Variants in CFAP300 observed in about 807,000 individuals in gnomAD.
The protein encoded by CFAP300 is cilia- and flagella-associated protein 300.
Under a neutral mutation model 33.0 loss-of-function variants are expected in CFAP300, and 32 were observed. That is an observed-to-expected ratio of 0.97 (90% CI 0.73 to 1.30). The LOEUF (loss-of-function observed/expected upper bound fraction) is 1.30. Ranked by LOEUF, CFAP300 falls within the 50% of genes most tolerant of loss-of-function variation. The pLI, the probability that CFAP300 is intolerant of heterozygous loss-of-function variation, is 0.00. For missense variants in CFAP300, 356 were observed against 318.1 expected (o/e 1.12, Z -0.90); for synonymous variants, 102 against 106.8 (o/e 0.95, Z 0.28).
chr11:102,076,362 A>G (rs1412841511), intron 5 of CFAP300, among the ~76,000 whole-genome samples: 2 of 152,196 alleles, frequency 1.3e-5, no homozygotes, highest in Non-Finnish European at 2.9e-5. Flanking sequence ...TTAAATCTGA[A>G]GGGAACACAA....
At chr11:102,069,316 TAC>T (rs1473876172) in intron 4 of CFAP300, among the ~76,000 whole-genome samples, 2 of 152,196 alleles carry the variant, frequency 1.3e-5, no homozygotes, top group East Asian at 3.9e-4. Context: ...TGTGCAGCAC[TAC>T]AGATTGTATT....
intron 5 of CFAP300, among the ~76,000 whole-genome samples, chr11:102,080,240 G>T (rs1467118091): frequency 6.6e-6 from 1 of 152,052 alleles, no homozygotes; most frequent in Admixed American, 6.6e-5. Context: ...ATAAATATAT[G>T]TCTGTAGCTT....
chr11:102,073,957 C>T (rs1403473900), intron 4 of CFAP300, among the ~76,000 whole-genome samples: 1 of 152,078 alleles, frequency 6.6e-6, no homozygotes, highest in African/African-American at 2.4e-5. Context: ...GACAGCGGCC[C>T]CAGGTAAGTG....
intron 2 of CFAP300, among the ~76,000 whole-genome samples, chr11:102,050,072 T>C (rs1315129558): frequency 6.6e-6 from 1 of 152,064 alleles, no homozygotes; most frequent in Non-Finnish European, 1.5e-5. Context: ...GGAGGATTAC[T>C]TGAGCTATGA....
At chr11:102,076,160 T>C in intron 5 of CFAP300, 115 bp downstream of exon 5, 1 of 1,194,612 alleles carries the variant, frequency 8.4e-7, no homozygotes, top group Non-Finnish European at 1.1e-6. Flanking sequence ...CCAAAGCATA[T>C]AAAAAGCTCT....
chr11:102,061,316 C>A (rs1942146792), intron 3 of CFAP300, among the ~76,000 whole-genome samples: 1 of 151,962 alleles, frequency 6.6e-6, no homozygotes, highest in Non-Finnish European at 1.5e-5. Context: ...GAAATACCCC[C>A]CTCTTATTTT....
chr11:102,080,202 A>G (rs1226932042), intron 5 of CFAP300, among the ~76,000 whole-genome samples: 2 of 152,302 alleles, frequency 1.3e-5, no homozygotes, highest in African/African-American at 4.8e-5. Context: ...AAGTGTGTGT[A>G]TATTTATTTA....
chr11:102,048,389 A>G (rs1941918914), intron 2 of CFAP300, among the ~76,000 whole-genome samples: 1 of 136,166 alleles, frequency 7.3e-6, no homozygotes, highest in South Asian at 2.3e-4. Context: ...CAGCTAATTA[A>G]AAAAAATTTT....
At chr11:102,070,819 TAC>T (rs35223843) in intron 4 of CFAP300, among the ~76,000 whole-genome samples, 84,584 of 151,830 alleles carry the variant, frequency 0.56, 24,911 homozygotes, top group East Asian at 0.75. Flanking sequence ...CATTCAGGAA[TAC>T]GTGTTGTTGG....
chr11:102,058,862 C>T lies in CFAP300; in HGVS notation c.193-18C>T. The stretch of plus-strand genomic sequence containing the variant: ...ATAATAAAATATCTAACTTATTCCC[C>T]TCAAATTTGTATTTTAGGCTTTTTT... On this transcript the variant is annotated intron_variant, in intron 2 of 6. Coordinates refer to ENST00000434758, the MANE Select transcript of CFAP300 (RefSeq NM_032930.3). The T allele has an allele frequency of 1.4e-6, 2 of 1,455,620 alleles. No homozygotes were observed. Among genetic ancestry groups the T allele is most frequent in the Non-Finnish European group, 1.9e-6 (2 of 1,060,866 alleles). The allele number at this position is 1,455,620 out of a possible 1,614,324, so 90.2% of individuals were successfully genotyped here.
Position 102,076,016 on chromosome 11 carries a change from A to C in CFAP300, c.579A>C (p.Thr193=). ...ATGTGATTAGCCCATATCTGGAAAC[A>C]ACAAAGCTTATCTATAAGGATCTGG... ...YEDVISPYLE[T]TKLIYKDLVS... The change falls in exon 5 of 7, where the codon ACA becomes ACC. Residue 193 remains threonine, a synonymous_variant. Coordinates refer to ENST00000434758, the MANE Select transcript of CFAP300 (RefSeq NM_032930.3). The C allele has an allele frequency of 6.2e-7, 1 of 1,612,882 alleles. No individual in the cohort carries two copies. The highest frequency in any genetic ancestry group is 1.1e-5 in the South Asian group (1 of 90,614).
At chr11:102,072,896 G>A (rs1180766802) in intron 4 of CFAP300, among the ~76,000 whole-genome samples, 4 of 152,124 alleles carry the variant, frequency 2.6e-5, no homozygotes. Context: ...TTATTCAGGT[G>A]TACTTGGCAT....
At chr11:102,081,889 T>TAAAA (rs72280444) in intron 6 of CFAP300, among the ~76,000 whole-genome samples, 1 of 118,732 alleles carries the variant, frequency 8.4e-6, no homozygotes, top group Non-Finnish European at 1.7e-5. Flanking sequence ...AGACTCCATC[T>TAAAA]AAAAAAAAAA....
At chr11:102,066,729 A>G in intron 4 of CFAP300, 78 bp downstream of exon 4, 1 of 1,256,950 alleles carries the variant, frequency 8.0e-7, no homozygotes, top group African/African-American at 1.5e-5. Context: ...TTGCCTGCTT[A>G]AAGCATAAAA....
Position 102,047,520 on chromosome 11 carries a change from T to G in CFAP300, c.50T>G (p.Leu17Trp), listed in dbSNP as rs774795579. Residue 17 changes from leucine (L) to tryptophan (W), a missense_variant, in exon 1 of 7, where the codon TTG becomes TGG. Transcript: ENST00000434758. ...TTGGGTGGCTACTACTTCAGGTTCT[T>G]GCCTCAGAAAACCTTCCAGTCTCTG... ...GDLGGYYFRFLPQKTFQSLSS... is the reference protein window; with the variant it reads ...GDLGGYYFRFWPQKTFQSLSS... 6.5e-7 allele frequency: 1 copy of G among 1,536,046 alleles called. No individual in the cohort carries two copies. The highest frequency in any genetic ancestry group is 2.4e-5 in the East Asian group (1 of 40,910).
intron 4 of CFAP300, among the ~76,000 whole-genome samples, chr11:102,073,515 C>G (rs1799793256): frequency 6.6e-6 from 1 of 152,128 alleles, no homozygotes; most frequent in Non-Finnish European, 1.5e-5. Flanking sequence ...CAGGCGGATC[C>G]TCTTGTGAGT....
chr11:102,061,640 A>G (rs987235389), intron 3 of CFAP300, among the ~76,000 whole-genome samples: 4 of 152,180 alleles, frequency 2.6e-5, no homozygotes, highest in South Asian at 2.1e-4. Flanking sequence ...ATATATCACT[A>G]TTTTACAAAT....
At chr11:102,063,230 T>C (rs1942176444) in intron 3 of CFAP300, among the ~76,000 whole-genome samples, 1 of 152,160 alleles carries the variant, frequency 6.6e-6, no homozygotes, top group South Asian at 2.1e-4. Flanking sequence ...AGGCAGAGTA[T>C]CAAACCAAAG....
intron 3 of CFAP300, among the ~76,000 whole-genome samples, chr11:102,065,659 C>T (rs1421160221): frequency 6.6e-6 from 1 of 151,442 alleles, no homozygotes; most frequent in African/African-American, 2.4e-5. Flanking sequence ...CCCAGATACT[C>T]GGGAGGCTGA....
Sources: allele counts gnomAD v4.1 joint callset (sites outside exome capture counted in the v4.1 genomes callset), GRCh38; gene constraint gnomAD v4.1.1; transcripts MANE v1.5; gene names NCBI Gene and HGNC (gene_info 2026-07-23, HGNC 2026-07-21).